The following UBA6 variants were observed in gnomAD, a reference collection of about 807,000 sequenced individuals.
UBA6 encodes the protein ubiquitin like modifier activating enzyme 6.
A neutral mutation model predicts 148.3 loss-of-function variants in UBA6; 87 were observed. That is an observed-to-expected ratio of 0.59 (90% CI 0.49 to 0.70). The LOEUF (loss-of-function observed/expected upper bound fraction) is 0.70, where lower values mean the gene tolerates loss of function less well. Among genes scored for constraint, UBA6 ranks in the 30% least tolerant of loss-of-function variants. UBA6 has a pLI of 0.00. For missense variants in UBA6, 1,186 were observed against 1,241.2 expected, an observed-to-expected ratio of 0.96 and a Z score of 0.67; for synonymous variants, 376 against 401.0, an observed-to-expected ratio of 0.94 and a Z score of 0.75.
chr4:67,637,350 C>T (rs1468868229), intron 19 of UBA6, among the ~76,000 whole-genome samples: 31 of 139,242 alleles, frequency 2.2e-4, no homozygotes, highest in African/African-American at 5.1e-4. Flanking sequence ...CTGCCCCGTC[C>T]GGGAGGTGGG....
intron 7 of UBA6, among the ~76,000 whole-genome samples, chr4:67,671,528 A>C (rs998008695): frequency 2.6e-5 from 4 of 152,098 alleles, no homozygotes; most frequent in Non-Finnish European, 5.9e-5. Flanking sequence ...AAATTACGTA[A>C]ACAAAGGTTT....
chr4:67,649,299 C>T (rs1017805997), intron 13 of UBA6, 88 bp from the exon 14 acceptor site: 6 of 1,288,036 alleles, frequency 4.7e-6, no homozygotes, highest in Non-Finnish European at 6.3e-6. Context: ...AGAATTAGAA[C>T]TTAACTTCTA....
intron 19 of UBA6, among the ~76,000 whole-genome samples, chr4:67,637,912 G>A (rs1227301709): frequency 6.8e-6 from 1 of 146,732 alleles, no homozygotes; most frequent in African/African-American, 2.5e-5. Context: ...CCCCCTATGC[G>A]AGAAACACCC....
At chr4:67,626,610 G>T in intron 27 of UBA6, 133 bp from the exon 28 acceptor site, 1 of 609,026 alleles carries the variant, frequency 1.6e-6, no homozygotes. Context: ...TTAATCATTG[G>T]TCCAATGTAT....
At chr4:67,676,461 C>T (rs1163792783) in intron 6 of UBA6, among the ~76,000 whole-genome samples, 3 of 152,130 alleles carry the variant, frequency 2.0e-5, no homozygotes, top group Non-Finnish European at 4.4e-5. Context: ...ACTTTTCATC[C>T]AGAGCTTAAG....
In UBA6 at chr4:67,633,457, T is replaced by C; in HGVS notation, c.2030A>G (p.His677Arg). The C allele has an allele frequency of 6.2e-7, 1 of 1,601,048 alleles. No individual in the cohort carries two copies. The highest frequency in any genetic ancestry group is 8.5e-7 in the Non-Finnish European group (1 of 1,176,828). ...EEVLQKIQSG[H>R]SLEGCFQVIK... ...AACTTGAAAACAGCCTTCTAAACTG[T>C]GTCCACTCTGTATCTTCTAGAATGG... The change falls in exon 23 of 33, where the codon CAC becomes CGC. Residue 677 changes from histidine (H) to arginine (R), a missense_variant. Physicochemically the swap from His to Arg is conservative, Grantham distance 29. Coordinates refer to ENST00000322244, the MANE Select transcript of UBA6 (RefSeq NM_018227.6).
At chr4:67,637,162 C>A (rs1326955178) in intron 19 of UBA6, among the ~76,000 whole-genome samples, 1 of 151,864 alleles carries the variant, frequency 6.6e-6, no homozygotes, top group Admixed American at 6.5e-5. Flanking sequence ...CCGGCAGCCG[C>A]CCCGTCCGGG....
At chr4:67,658,619 T>TTC (rs1729763847) in intron 13 of UBA6, among the ~76,000 whole-genome samples, 1 of 152,150 alleles carries the variant, frequency 6.6e-6, no homozygotes, top group Admixed American at 6.6e-5. Context: ...AAATAATATG[T>TTC]ATGACAAACC....
At chr4:67,636,995 T>C (rs1047335041) in intron 19 of UBA6, among the ~76,000 whole-genome samples, 4 of 148,324 alleles carry the variant, frequency 2.7e-5, no homozygotes, top group East Asian at 2.0e-4. Flanking sequence ...GGAGCGCCTC[T>C]GCCCCACCGC....
At chr4:67,633,779 A>C (rs2109904172) in intron 22 of UBA6, among the ~76,000 whole-genome samples, 1 of 152,234 alleles carries the variant, frequency 6.6e-6, no homozygotes, top group African/African-American at 2.4e-5. Context: ...AAGTGCTATG[A>C]ATATTTGATA....
At chr4:67,655,041 A>C (rs954463784) in intron 13 of UBA6, among the ~76,000 whole-genome samples, 8 of 152,216 alleles carry the variant, frequency 5.3e-5, no homozygotes, top group African/African-American at 1.7e-4. Context: ...TGATTCATAA[A>C]GCAAGTCCGT....
chr4:67,651,371 C>A (rs180919444), intron 13 of UBA6, among the ~76,000 whole-genome samples: 1 of 152,008 alleles, frequency 6.6e-6, no homozygotes, highest in African/African-American at 2.4e-5. Flanking sequence ...TTATGGTGTA[C>A]GTAAGAAACT....
At chr4:67,668,246 T>C (rs1051620818) in intron 9 of UBA6, among the ~76,000 whole-genome samples, 1 of 152,210 alleles carries the variant, frequency 6.6e-6, no homozygotes, top group Non-Finnish European at 1.5e-5. Context: ...TGTCTCTGCA[T>C]AAATGATCTT....
chr4:67,677,163 G>A (rs967088890), intron 6 of UBA6, among the ~76,000 whole-genome samples: 8 of 152,180 alleles, frequency 5.3e-5, no homozygotes, highest in Non-Finnish European at 1.2e-4. Flanking sequence ...CTTGAAATGT[G>A]CATGTGTGGC....
chr4:67,673,792 A>C lies in UBA6; in HGVS notation c.466-15T>G, dbSNP rs1437523857. ...AATACTACACACTGTTGAGAAAACA[A>C]CAAATTAAAAACTAGAAAATACATA... is the stretch of plus-strand genomic sequence containing the variant. On this transcript the variant is annotated splice_polypyrimidine_tract_variant and intron_variant, in intron 6 of 32. Coordinates refer to ENST00000322244, the MANE Select transcript of UBA6 (RefSeq NM_018227.6). The C allele has an allele frequency of 6.4e-7, 1 of 1,563,566 alleles. No homozygotes were observed. Among genetic ancestry groups the C allele is most frequent in the South Asian group, 1.2e-5 (1 of 85,968 alleles).
chr4:67,623,247 A>G (rs1728791959), intron 30 of UBA6, 25 bp from the exon 31 acceptor site: 2 of 1,568,766 alleles, frequency 1.3e-6, no homozygotes, highest in African/African-American at 1.4e-5. Flanking sequence ...TATTCAGAAC[A>G]GAAACATTGA....
rs957751387 is a variant in UBA6, at chr4:67,613,645, C to T, written c.*5352G>A. ...TGATGATGATGATGGTATACTAGCACAGGGATAGAAAAAAGGGAAAAAATG... is the reference window on the plus strand; with the variant it reads ...TGATGATGATGATGGTATACTAGCATAGGGATAGAAAAAAGGGAAAAAATG... On this transcript the variant is annotated 3_prime_UTR_variant, in exon 33 of 33. Coordinates refer to ENST00000322244, the MANE Select transcript of UBA6 (RefSeq NM_018227.6). The T allele has an allele frequency of 6.6e-5, 10 of 151,936 alleles. No individual in the cohort carries two copies. The highest frequency in any genetic ancestry group is 1.2e-4 in the Non-Finnish European group (8 of 67,976). The allele number at this position is 151,936 out of a possible 1,614,324, so 9.4% of individuals were successfully genotyped here.
intron 17 of UBA6, among the ~76,000 whole-genome samples, chr4:67,644,026 G>A (rs570237495): frequency 3.3e-5 from 5 of 152,164 alleles, no homozygotes; most frequent in East Asian, 1.9e-4. Context: ...GGAATAATAA[G>A]CTAAGTTTAA....
At chr4:67,700,152 T>C (rs1319032418) in intron 1 of UBA6, among the ~76,000 whole-genome samples, 2 of 152,152 alleles carry the variant, frequency 1.3e-5, no homozygotes, top group African/African-American at 4.8e-5. Flanking sequence ...ACGCTTCAAA[T>C]AAGGCGCGGG....
Sources: gnomAD v4.1 joint callset for allele counts (sites outside exome capture counted in the v4.1 genomes callset) on GRCh38, gnomAD v4.1.1 for gene constraint, MANE v1.5 for transcripts, NCBI Gene and HGNC (gene_info 2026-07-23, HGNC 2026-07-21) for gene names.